The following OGG1 variants were observed in gnomAD, a reference collection of about 807,000 sequenced individuals.
OGG1 encodes 8-oxoguanine DNA glycosylase.
A neutral mutation model predicts 42.3 loss-of-function variants in OGG1; 35 were observed. The observed-to-expected ratio is 0.83, with a 90% CI of 0.63 to 1.10. OGG1 has a LOEUF of 1.10. Ranked by LOEUF, OGG1 falls within the 50% of genes least tolerant of loss-of-function variation. The pLI is 0.00. For synonymous variants in OGG1, 189 were observed against 179.0 expected (o/e 1.06, Z -0.44); for missense variants, 484 against 446.7 (o/e 1.08, Z -0.75).
intron 3 of OGG1, among the ~76,000 whole-genome samples, chr3:9,785,784 TA>T (rs1247403945): frequency 6.6e-6 from 1 of 152,214 alleles, no homozygotes; most frequent in African/African-American, 2.4e-5. Context: ...CCACGGCAGC[TA>T]GGCAATGCCT....
rs771821095 is a variant in OGG1, at chr3:9,787,207, T to G, written c.383-521T>G. ...GGAGGTGAGAGGCCTACCTTTAGTG[T>G]CCAGTTCGGTCAGTGGCCCCATGAG... On this transcript the variant is annotated intron_variant, in intron 3 of 3. Transcript: ENST00000426518. The G allele has an allele frequency of 1.7e-5, 28 of 1,614,056 alleles. No individual in the cohort carries two copies. The highest frequency in any genetic ancestry group is 2.4e-5 in the Non-Finnish European group (28 of 1,180,038).
downstream of OGG1, chr3:9,789,659 G>A (rs559591645): frequency 1.9e-4 from 298 of 1,610,798 alleles, 1 homozygote; most frequent in South Asian, 2.7e-3. Context: ...TGCCCCACCA[G>A]TGCCTCCACC....
intron 2 of OGG1, among the ~76,000 whole-genome samples, chr3:9,777,238 C>A (rs539858728): frequency 3.3e-5 from 5 of 152,348 alleles, no homozygotes; most frequent in African/African-American, 1.2e-4. Flanking sequence ...ACACAAAAGG[C>A]TTTGCCTCCA....
chr3:9,780,057 A>G (rs1575288866), intron 2 of OGG1: 2 of 283,134 alleles, frequency 7.1e-6, no homozygotes. Context: ...AGACAGGGGT[A>G]GGGGATTAGG....
chr3:9,770,313 C>T (rs902472091), downstream of OGG1, among the ~76,000 whole-genome samples: 7 of 152,192 alleles, frequency 4.6e-5, no homozygotes, highest in Non-Finnish European at 7.3e-5. Flanking sequence ...CTGCGACCTC[C>T]CTTAGGGCTC....
intron 3 of OGG1, among the ~76,000 whole-genome samples, chr3:9,754,454 A>C (rs2077444291): frequency 6.6e-6 from 1 of 152,226 alleles, no homozygotes; most frequent in African/African-American, 2.4e-5. Flanking sequence ...GCAAGTCCTC[A>C]GTCCCTGGAC....
chr3:9,759,154 G>T (rs200785702), downstream of OGG1: 3 of 1,518,154 alleles, frequency 2.0e-6, no homozygotes, highest in South Asian at 2.2e-5. Flanking sequence ...ACATTATTCC[G>T]CTATGCCTCA....
At chr3:9,768,373 C>G (rs572446682), downstream of OGG1, among the ~76,000 whole-genome samples, 79 of 152,356 alleles carry the variant, frequency 5.2e-4, 1 homozygote, top group African/African-American at 1.9e-3. Context: ...GACTCCCCAT[C>G]TGGGTCCCGG....
chr3:9,759,688 C>G, downstream of OGG1: 1 of 1,614,214 alleles, frequency 6.2e-7, no homozygotes, highest in Non-Finnish European at 8.5e-7. Flanking sequence ...TGCTGCAAGG[C>G]CTGCTCACAG....
At chr3:9,774,950 G>T (rs1368814186) in intron 2 of OGG1, among the ~76,000 whole-genome samples, 2 of 151,056 alleles carry the variant, frequency 1.3e-5, no homozygotes, top group East Asian at 1.9e-4. Flanking sequence ...GCTCCAAGAT[G>T]TTTGAGTAAT....
At chr3:9,760,527 C>T, downstream of OGG1, 1 of 892,546 alleles carries the variant, frequency 1.1e-6, no homozygotes, top group Non-Finnish European at 1.8e-6. Flanking sequence ...GGTGTCTGGT[C>T]TCGAAGACAG....
downstream of OGG1, chr3:9,760,877 C>G: frequency 6.6e-7 from 1 of 1,508,678 alleles, no homozygotes; most frequent in Non-Finnish European, 9.0e-7. Context: ...AAGGAGTTCC[C>G]CCTTTATAAA....
At chr3:9,761,639 C>G (rs767399471), downstream of OGG1, 3 of 1,614,036 alleles carry the variant, frequency 1.9e-6, no homozygotes, top group African/African-American at 1.3e-5. Context: ...ACCCACGTAT[C>G]CCGGAGTTCC....
At chr3:9,757,938 TTC>T (rs949406390), downstream of OGG1, 1 of 1,508,742 alleles carries the variant, frequency 6.6e-7, no homozygotes. This position sits in a 1 kb window ranked among gnomAD's most constrained non-coding sequence, Gnocchi z 4.5. Flanking sequence ...CTTGCAATTG[TTC>T]TGTTATTTTC....
intron 3 of OGG1, among the ~76,000 whole-genome samples, chr3:9,753,603 G>A (rs190393222): frequency 6.6e-6 from 1 of 151,882 alleles, no homozygotes; most frequent in South Asian, 2.1e-4. Flanking sequence ...GCAGTGAGCC[G>A]AGATCGTGCC....
At chr3:9,765,471 G>T (rs1021887644) in intron 7 of OGG1, among the ~76,000 whole-genome samples, 2 of 152,126 alleles carry the variant, frequency 1.3e-5, no homozygotes, top group Non-Finnish European at 2.9e-5. Context: ...GAGATATGTG[G>T]GTCCAAGCCA....
At chr3:9,786,973 A>C (rs766138450) in intron 3 of OGG1, 8 of 1,569,032 alleles carry the variant, frequency 5.1e-6, no homozygotes, top group East Asian at 4.5e-5. Context: ...ACACAAAGTA[A>C]ATATGGTTCC....
chr3:9,759,623 C>T, downstream of OGG1: 1 of 1,614,110 alleles, frequency 6.2e-7, no homozygotes, highest in Non-Finnish European at 8.5e-7. Flanking sequence ...AGAAGCAGAC[C>T]TGAGGGCCCC....
rs530251464 is a variant in OGG1, at chr3:9,774,171, G to A, written c.295-7342G>A. 1.9e-3 allele frequency among the ~76,000 whole-genome samples: 296 copies of A among 152,268 alleles called. 1 individual carries two copies. Among genetic ancestry groups the A allele is most frequent in the Non-Finnish European group, 3.0e-3 (205 of 68,022 alleles). ...ACTCCTGAATCCCAGCACTTTGGGA[G>A]GCCAAGGCAGAAGGATCACCTGAGG... is the stretch of plus-strand genomic sequence containing the variant. On this transcript the variant is annotated intron_variant, in intron 2 of 3. Coordinates refer to the OGG1 transcript ENST00000426518.
Sources: allele counts gnomAD v4.1 joint callset (sites outside exome capture counted in the v4.1 genomes callset), GRCh38; gene constraint gnomAD v4.1.1; non-coding constraint Gnocchi (gnomAD v3.1); transcripts MANE v1.5; gene names NCBI Gene and HGNC (gene_info 2026-07-23, HGNC 2026-07-21).